The following TLE3 variants were observed in gnomAD, a reference collection of about 807,000 sequenced individuals.
TLE3 encodes the protein TLE family member 3, transcriptional corepressor.
TLE3 carries 14 observed loss-of-function variants against 93.0 expected under a neutral mutation model. That is an observed-to-expected ratio of 0.15 (90% CI 0.10 to 0.24). The LOEUF (loss-of-function observed/expected upper bound fraction) is 0.24, where lower values mean the gene tolerates loss of function less well. Among genes scored for constraint, TLE3 ranks in the 10% least tolerant of loss-of-function variants. The probability of loss-of-function intolerance (pLI) is 1.00; values close to 1 mark genes in which losing one functional copy is unlikely to be tolerated. For missense variants in TLE3, 693 were observed against 1,046.6 expected, an observed-to-expected ratio of 0.66 and a Z score of 4.66; for synonymous variants, 451 against 425.0, an observed-to-expected ratio of 1.06 and a Z score of -0.75.
chr15:70,069,108 GA>G (rs1307456113), intron 6 of TLE3, among the ~76,000 whole-genome samples: 1 of 152,252 alleles, frequency 6.6e-6, no homozygotes, highest in East Asian at 1.9e-4. Context: ...GTGAGTTCCA[GA>G]AACAGAGACT....
chr15:70,057,380 A>T (rs1176346189), intron 13 of TLE3, 79 bp downstream of exon 13: 4 of 1,485,664 alleles, frequency 2.7e-6, no homozygotes, highest in Non-Finnish European at 3.6e-6. Flanking sequence ...CCCCTTTAGC[A>T]TGTGGGGAGC....
chr15:70,082,680 C>A (rs562136765), intron 4 of TLE3, among the ~76,000 whole-genome samples: 2 of 152,210 alleles, frequency 1.3e-5, no homozygotes, highest in African/African-American at 2.4e-5. Context: ...GCCCAGCCCC[C>A]CTCAGCGTGA....
chr15:70,096,103 G>A (rs1344799761), intron 2 of TLE3, 58 bp downstream of exon 2: 3 of 1,366,678 alleles, frequency 2.2e-6, no homozygotes, highest in East Asian at 2.9e-5. Context: ...GATGGCAGGA[G>A]CCGCGCAGGG....
chr15:70,054,172 T>A, intron 16 of TLE3: 1 of 405,088 alleles, frequency 2.5e-6, no homozygotes, highest in African/African-American at 2.0e-5. Context: ...CTTGCTCCAC[T>A]AATCTGACCT....
At chr15:70,055,013 C>T (rs546996614) in intron 15 of TLE3, 36 bp downstream of exon 15, 3 of 1,560,828 alleles carry the variant, frequency 1.9e-6, no homozygotes, top group East Asian at 2.4e-5. Flanking sequence ...CCTCCTACAC[C>T]AGCTGGAGGC....
intron 14 of TLE3, chr15:70,056,039 C>T: frequency 1.8e-6 from 1 of 562,882 alleles, no homozygotes; most frequent in Middle Eastern, 4.8e-4. Flanking sequence ...TCTCCCAGCC[C>T]AGTGGCCATG....
chr15:70,076,770 G>A (rs1172168375), intron 4 of TLE3, among the ~76,000 whole-genome samples: 1 of 152,088 alleles, frequency 6.6e-6, no homozygotes, highest in Non-Finnish European at 1.5e-5. Context: ...ACCCAGGCTG[G>A]TGTACAGTGG....
At position 70,064,378 on chromosome 15, in the gene TLE3, C is replaced by T. The variant is rs555846259; in HGVS notation, c.594+76G>A. 3.5e-5 allele frequency: 55 copies of T among 1,586,480 alleles called. No homozygotes were observed. The East Asian group carries it at 6.1e-4, about 18-fold the overall frequency. On this transcript the variant is annotated intron_variant, in intron 8 of 19. Coordinates refer to ENST00000451782, the MANE Select transcript of TLE3 (RefSeq NM_001105192.3). Reference sequence around the variant, plus strand: ...TACCGACTGACTGGTCTCAGGCCCGCGATTCTGGGAGCCCCGAGTCCCACC... The same window carrying T: ...TACCGACTGACTGGTCTCAGGCCCGTGATTCTGGGAGCCCCGAGTCCCACC...
chr15:70,061,853 C>A, intron 8 of TLE3, among the ~76,000 whole-genome samples: 1 of 151,040 alleles, frequency 6.6e-6, no homozygotes. Flanking sequence ...ACAGGCCATC[C>A]CAGGTCCCAG....
chr15:70,054,474 A>G lies in TLE3; in HGVS notation c.1790T>C (p.Ile597Thr). 1 of 1,613,976 alleles carries G rather than the reference A, an allele frequency of 6.2e-7. No homozygotes were observed. Among genetic ancestry groups the G allele is most frequent in the Non-Finnish European group, 8.5e-7 (1 of 1,179,874 alleles). Residue 597 changes from isoleucine (I) to threonine (T), a missense_variant, in exon 16 of 20, where the codon ATT (isoleucine) becomes ACT (threonine). By Grantham distance (89) the Ile-to-Thr change is moderately conservative (BLOSUM62 -1). This residue lies in a region of TLE3 where 153 missense variants were observed against 379.9 expected (regional missense o/e 0.40). Transcript: ENST00000451782. ...CTGGTTGTGCAGGTCCCAGACAGCA[A>G]TGTTCCCATCGCTGCAGCAGGAGAA... The part of the protein sequence containing the change: ...VCFSCCSDGN[I>T]AVWDLHNQTL...
chr15:70,054,502 A>T lies in TLE3; in HGVS notation c.1762T>A (p.Cys588Ser). Residue 588 changes from cysteine to serine, a missense_variant, in exon 16 of 20, where the codon TGC (cysteine) becomes AGC (serine). This residue lies in a region of TLE3 where 153 missense variants were observed against 379.9 expected (regional missense o/e 0.40). Coordinates refer to ENST00000451782, the MANE Select transcript of TLE3 (RefSeq NM_001105192.3). ...TTCCCATCGCTGCAGCAGGAGAAGC[A>T]GACTTTGGCGTCAGGGCTAATGGCC... ...ALAISPDAKV[C>S]FSCCSDGNIA... 6.2e-7 allele frequency: 1 copy of T among 1,614,052 alleles called. No individual in the cohort carries two copies.
chr15:70,075,726 C>T (rs1199556428), intron 5 of TLE3, among the ~76,000 whole-genome samples: 3 of 152,222 alleles, frequency 2.0e-5, no homozygotes, highest in African/African-American at 7.2e-5. Context: ...CTGGGTCATG[C>T]TCCCAGCAAG....
intron 6 of TLE3, among the ~76,000 whole-genome samples, chr15:70,070,484 C>G (rs776219978): frequency 1.3e-5 from 2 of 152,164 alleles, no homozygotes; most frequent in African/African-American, 4.8e-5. Context: ...GTCCTGACAG[C>G]GTAAAATGAA....
chr15:70,054,413 C>CT, intron 16 of TLE3, 25 bp downstream of exon 16: 1 of 1,602,806 alleles, frequency 6.2e-7, no homozygotes, highest in Non-Finnish European at 8.5e-7. Flanking sequence ...GGACGAGGCA[C>CT]TAATGCTCCC....
intron 9 of TLE3, 64 bp from the exon 10 acceptor site, chr15:70,059,524 C>T: frequency 1.3e-6 from 2 of 1,501,226 alleles, no homozygotes; most frequent in South Asian, 1.2e-5. Context: ...CCTGACTGAG[C>T]CCAAACCACC....
At chr15:70,066,469 C>A (rs3784661) in intron 6 of TLE3, 11,535 of 402,650 alleles carry the variant, frequency 0.029, 625 homozygotes, top group East Asian at 0.2. Flanking sequence ...CCTGCACCCC[C>A]GTTTCACAAA....
At chr15:70,074,672 G>T in intron 5 of TLE3, 65 bp from the exon 6 acceptor site, 1 of 1,400,588 alleles carries the variant, frequency 7.1e-7, no homozygotes, top group Non-Finnish European at 9.8e-7. Context: ...CACAGGCTGT[G>T]CAGCACTGGC....
At chr15:70,053,105 G>T (rs2055693978) in intron 17 of TLE3, 122 bp downstream of exon 17, 8 of 1,329,694 alleles carry the variant, frequency 6.0e-6, no homozygotes, top group Non-Finnish European at 8.1e-6. Context: ...GCTCAGGTTG[G>T]TCCCAAGTCT....
intron 4 of TLE3, among the ~76,000 whole-genome samples, chr15:70,088,225 T>C (rs562741797): frequency 6.6e-6 from 1 of 152,268 alleles, no homozygotes; most frequent in African/African-American, 2.4e-5. Flanking sequence ...CATTACCTCC[T>C]TGAGAAACGC....
Sources: gnomAD v4.1 joint callset for allele counts (sites outside exome capture counted in the v4.1 genomes callset) on GRCh38, gnomAD v4.1.1 for gene constraint, gnomAD v4.1.1 regional missense constraint, MANE v1.5 for transcripts, NCBI Gene and HGNC (gene_info 2026-07-23, HGNC 2026-07-21) for gene names.